The following KCNQ1 variants were observed in gnomAD, a reference collection of about 807,000 sequenced individuals.
KCNQ1 encodes the protein potassium voltage-gated channel subfamily Q member 1, also known as potassium voltage-gated channel subfamily KQT member 1.
In KCNQ1, 49 loss-of-function variants were observed where a neutral mutation model predicts 72.4. The ratio of observed to expected loss-of-function variants is 0.68; its 90% CI spans 0.54 to 0.86. The LOEUF is 0.86. KCNQ1 is among the 40% of genes least tolerant of loss of function. KCNQ1 has a pLI of 0.00. For synonymous variants in KCNQ1, 450 were observed against 412.6 expected, an observed-to-expected ratio of 1.09 and a Z score of -1.10; for missense variants, 790 against 945.1, an observed-to-expected ratio of 0.84 and a Z score of 2.15.
Position 2,564,052 on chromosome 11 carries a change from G to A in KCNQ1, c.478-6576G>A, listed in dbSNP as rs764023507. ...GGGAGCCCAGGTGAGCAACCGCCACGGGCCAGGGCCCCTCGAGGCACTCAT... is the reference window on the plus strand; with the variant it reads ...GGGAGCCCAGGTGAGCAACCGCCACAGGCCAGGGCCCCTCGAGGCACTCAT... On this transcript the variant is annotated intron_variant, in intron 2 of 15. Coordinates refer to ENST00000155840, the MANE Select transcript of KCNQ1 (RefSeq NM_000218.3). The surrounding 1 kb of genome is among the most constrained non-coding windows in gnomAD (Gnocchi z 4.5). Among the ~76,000 whole-genome samples the A allele has an allele frequency of 6.6e-5, 10 of 152,040 alleles. No individual in the cohort carries two copies. The highest frequency in any genetic ancestry group is 5.9e-4 in the East Asian group (3 of 5,128).
intron 15 of KCNQ1, among the ~76,000 whole-genome samples, 163 bp from the exon 16 acceptor site, chr11:2,847,604 T>C (rs1401619021): frequency 6.6e-6 from 1 of 152,180 alleles, no homozygotes; most frequent in Non-Finnish European, 1.5e-5. Flanking sequence ...ACCGAGGGCC[T>C]TGCAGACATA....
intron 15 of KCNQ1, among the ~76,000 whole-genome samples, chr11:2,845,279 C>T (rs537560303): frequency 3.9e-5 from 6 of 152,340 alleles, no homozygotes; most frequent in South Asian, 2.1e-4. Flanking sequence ...ATGGCAGCTC[C>T]GTGGTCTCGA....
intron 2 of KCNQ1, among the ~76,000 whole-genome samples, chr11:2,531,956 A>G (rs1589933708): frequency 6.6e-6 from 1 of 152,178 alleles, no homozygotes; most frequent in Non-Finnish European, 1.5e-5. Context: ...CACCTGTAAC[A>G]CTACCCACCC....
chr11:2,629,446 G>A (rs1849316502), intron 10 of KCNQ1: 1 of 398,272 alleles, frequency 2.5e-6, no homozygotes, highest in African/African-American at 2.1e-5. Context: ...TTTCTTCTAA[G>A]AGTTTTATAG....
Position 2,699,763 on chromosome 11 carries a change from G to A in KCNQ1, c.1514+37682G>A, listed in dbSNP as rs111227901. 5.3e-3 allele frequency: 1,921 copies of A among 364,640 alleles called. 9 individuals carry two copies. The highest frequency in any genetic ancestry group is 0.023 in the Middle Eastern group (33 of 1,452). The allele number at this position is 364,640 out of a possible 1,614,324, so 22.6% of individuals were successfully genotyped here. On this transcript the variant is annotated intron_variant, in intron 11 of 15. Coordinates refer to ENST00000155840, the MANE Select transcript of KCNQ1 (RefSeq NM_000218.3). The stretch of plus-strand genomic sequence containing the variant: ...CGAGGAGCCCCCAGAAGAGCGCCGC[G>A]CTGAGGAGCCCCGAGGAGAACCGCG...
chr11:2,572,279 G>A (rs578131183), intron 5 of KCNQ1, among the ~76,000 whole-genome samples, 170 bp downstream of exon 5: 1 of 152,338 alleles, frequency 6.6e-6, no homozygotes, highest in African/African-American at 2.4e-5. Context: ...GCCCAAGCTT[G>A]AGCCCAGCCT....
chr11:2,483,309 CATTTT>C lies in KCNQ1; in HGVS notation c.386+37826_386+37830del, dbSNP rs1846684273. On this transcript the variant is annotated intron_variant, in intron 1 of 15. Coordinates refer to ENST00000155840, the MANE Select transcript of KCNQ1 (RefSeq NM_000218.3). This position sits in a 1 kb window ranked among gnomAD's most constrained non-coding sequence, Gnocchi z 6.1. ...CTTGGCTTCTGTACTTTAAAAAAAT[CATTTT>C]GTTTTGAAGCAATTTTAGACCTACA... 6.6e-6 allele frequency among the ~76,000 whole-genome samples: 1 copy of C among 152,112 alleles called. No individual in the cohort carries two copies.
chr11:2,593,769 C>G lies in KCNQ1; in HGVS notation c.1393+4915C>G, dbSNP rs762693487. Among the ~76,000 whole-genome samples, 3 of 152,186 alleles carry G rather than the reference C, an allele frequency of 2.0e-5. No individual in the cohort carries two copies. The highest frequency in any genetic ancestry group is 2.9e-5 in the Non-Finnish European group (2 of 68,042). The stretch of plus-strand genomic sequence containing the variant: ...TGTAGCCTCCTCCTGCTCCCGGCTC[C>G]GCGTCCTCAGCCCAACACACCAAGC... On this transcript the variant is annotated intron_variant, in intron 10 of 15. Coordinates refer to ENST00000155840, the MANE Select transcript of KCNQ1 (RefSeq NM_000218.3). The surrounding 1 kb of genome is among the most constrained non-coding windows in gnomAD (Gnocchi z 6.9).
chr11:2,665,933 T>C, intron 11 of KCNQ1: 1 of 398,406 alleles, frequency 2.5e-6, no homozygotes. Flanking sequence ...GAGGCTGAAA[T>C]CATTTTTGTG....
intron 10 of KCNQ1, chr11:2,610,384 AAGG>A (rs1848960597): frequency 7.5e-6 from 3 of 398,332 alleles, no homozygotes; most frequent in Non-Finnish European, 1.3e-5. Flanking sequence ...AAGAAGCTGA[AAGG>A]AGAGCAAGTA....
At position 2,445,440 on chromosome 11, in the gene KCNQ1, C is replaced by T. The variant is rs1442231737; in HGVS notation, c.342C>T (p.Leu114=). The part of the protein sequence containing the change: ...THVQGRVYNF[L]ERPTGWKCFV... ...TCCAGGGCCGCGTCTACAACTTCCT[C>T]GAGCGTCCCACCGGCTGGAAATGCT... Residue 114 remains leucine, a synonymous_variant, in exon 1 of 16, where the codon CTC becomes CTT. Coordinates refer to ENST00000155840, the MANE Select transcript of KCNQ1 (RefSeq NM_000218.3). The T allele has an allele frequency of 1.3e-6, 2 of 1,597,426 alleles. No homozygotes were observed. Among genetic ancestry groups the T allele is most frequent in the Non-Finnish European group, 1.7e-6 (2 of 1,179,646 alleles).
chr11:2,709,270 C>T (rs1252650560), intron 11 of KCNQ1, among the ~76,000 whole-genome samples: 1 of 139,504 alleles, frequency 7.2e-6, no homozygotes, highest in African/African-American at 2.6e-5. Flanking sequence ...CTTCTGGCTC[C>T]CTGTTCCTGG....
intron 1 of KCNQ1, among the ~76,000 whole-genome samples, chr11:2,470,892 G>C (rs1292730626): frequency 6.6e-6 from 1 of 152,086 alleles, no homozygotes; most frequent in Middle Eastern, 3.4e-3. Flanking sequence ...GTGTTTTTTG[G>C]TGCTCTCAGA....
At position 2,768,609 on chromosome 11, in the gene KCNQ1, C is replaced by G. The variant is rs1846536710; in HGVS notation, c.1515-235C>G. Among the ~76,000 whole-genome samples the G allele has an allele frequency of 6.6e-6, 1 of 152,180 alleles. No homozygotes were observed. The highest frequency in any genetic ancestry group is 6.5e-5 in the Admixed American group (1 of 15,276). ...TCTGAATGACACTCAAGGTAAGGGT[C>G]CCCTTCCCACTCACAGATGAGGTGA... is the stretch of plus-strand genomic sequence containing the variant. On this transcript the variant is annotated intron_variant, in intron 11 of 15. Transcript: ENST00000155840. This position sits in a 1 kb window ranked among gnomAD's most constrained non-coding sequence, Gnocchi z 6.7.
intron 11 of KCNQ1, among the ~76,000 whole-genome samples, chr11:2,763,591 T>C (rs1331714450): frequency 1.3e-5 from 2 of 152,226 alleles, no homozygotes; most frequent in Non-Finnish European, 2.9e-5. Context: ...TACATATACA[T>C]ATTTTAAAGG....
chr11:2,562,086 C>T lies in KCNQ1; in HGVS notation c.478-8542C>T, dbSNP rs142984593. Among the ~76,000 whole-genome samples, 6 of 152,166 alleles carry T rather than the reference C, an allele frequency of 3.9e-5. No homozygotes were observed. Among genetic ancestry groups the T allele is most frequent in the East Asian group, 1.9e-4 (1 of 5,152 alleles). On this transcript the variant is annotated intron_variant, in intron 2 of 15. Coordinates refer to ENST00000155840, the MANE Select transcript of KCNQ1 (RefSeq NM_000218.3). The surrounding 1 kb of genome is among the most constrained non-coding windows in gnomAD (Gnocchi z 7.5). ...AGCAGTAAGGCCAGGACAGGGCAGC[C>T]GGACCCCGACTGTGCCACCCTCAGC...
intron 15 of KCNQ1, among the ~76,000 whole-genome samples, chr11:2,832,930 A>G (rs1284722270): frequency 2.6e-5 from 4 of 152,056 alleles, no homozygotes; most frequent in Admixed American, 2.6e-4. Flanking sequence ...CCACTCTCCC[A>G]CTTTGACCTG....
intron 15 of KCNQ1, among the ~76,000 whole-genome samples, chr11:2,823,500 A>G (rs1477302115): frequency 6.6e-6 from 1 of 152,208 alleles, no homozygotes; most frequent in African/African-American, 2.4e-5. Flanking sequence ...GGAAGGCACC[A>G]ACAACAAGGA....
chr11:2,600,984 C>T lies in KCNQ1; in HGVS notation c.1393+12130C>T, dbSNP rs1423032425. ...GTTATTTTGATCACCAAATTGAGGC[C>T]GTTATCCACTTTTCTACCTTACAGT... is the stretch of plus-strand genomic sequence containing the variant. On this transcript the variant is annotated intron_variant, in intron 10 of 15. Coordinates refer to ENST00000155840, the MANE Select transcript of KCNQ1 (RefSeq NM_000218.3). The surrounding 1 kb of genome is among the most constrained non-coding windows in gnomAD (Gnocchi z 5.6). Among the ~76,000 whole-genome samples, 2 of 151,844 alleles carry T rather than the reference C, an allele frequency of 1.3e-5. No homozygotes were observed. The highest frequency in any genetic ancestry group is 6.6e-5 in the Admixed American group (1 of 15,238).
Sources: gnomAD v4.1 joint callset for allele counts (sites outside exome capture counted in the v4.1 genomes callset) on GRCh38, gnomAD v4.1.1 for gene constraint, Gnocchi (gnomAD v3.1) non-coding constraint, MANE v1.5 for transcripts, NCBI Gene and HGNC (gene_info 2026-07-23, HGNC 2026-07-21) for gene names.